HNRNPA1: variants seen among roughly 807,000 people sequenced by gnomAD.
HNRNPA1 encodes epididymis secretory sperm binding protein.
HNRNPA1 carries 7 observed loss-of-function variants against 44.4 expected under a neutral mutation model. The ratio of observed to expected loss-of-function variants is 0.16; its 90% CI spans 0.09 to 0.30. The LOEUF is 0.30. HNRNPA1 is among the 10% of genes least tolerant of loss of function. The probability of loss-of-function intolerance (pLI) is 1.00; values close to 1 mark genes in which losing one functional copy is unlikely to be tolerated. For synonymous variants in HNRNPA1, 169 were observed against 160.6 expected, an observed-to-expected ratio of 1.05 and a Z score of -0.40; for missense variants, 193 against 465.8, an observed-to-expected ratio of 0.41 and a Z score of 5.39.
chr12:54,284,047 T>C, intron 9 of HNRNPA1, 80 bp downstream of exon 9: 3 of 1,498,292 alleles, frequency 2.0e-6, no homozygotes, highest in African/African-American at 1.4e-5. Flanking sequence ...TTAACTGCTA[T>C]GTCTGGGCAG....
At chr12:54,281,255 G>A in intron 1 of HNRNPA1, 131 bp from the exon 2 acceptor site, 2 of 727,174 alleles carry the variant, frequency 2.8e-6, no homozygotes, top group Non-Finnish European at 2.5e-6. Context: ...ATAGGCAGAA[G>A]CACGTGTCTT....
At chr12:54,283,771 A>G in intron 8 of HNRNPA1, 41 bp from the exon 9 acceptor site, 1 of 1,591,084 alleles carries the variant, frequency 6.3e-7, no homozygotes, top group Non-Finnish European at 8.6e-7. Context: ...AACTAACATC[A>G]TCCTCAGGTA....
chr12:54,280,834 G>A lies in HNRNPA1; in HGVS notation c.15+12G>A. The A allele has an allele frequency of 1.2e-6, 2 of 1,614,090 alleles. No individual in the cohort carries two copies. Among genetic ancestry groups the A allele is most frequent in the Non-Finnish European group, 1.7e-6 (2 of 1,179,934 alleles). On this transcript the variant is annotated intron_variant, in intron 1 of 10. Coordinates refer to ENST00000340913, the MANE Select transcript of HNRNPA1 (RefSeq NM_031157.4). Reference sequence around the variant, plus strand: ...TGTCTAAGTCAGAGGTGAGTTAGGCGCGCTTTCCCACTTGAATTTTTTCCT... The same window carrying A: ...TGTCTAAGTCAGAGGTGAGTTAGGCACGCTTTCCCACTTGAATTTTTTCCT...
rs2137045204 is a variant in HNRNPA1 at position 54,283,957 on chromosome 12, A to G, written c.1053A>G (p.Pro351=). ...YGGGGQYFAK[P]RNQGGYGGSS... ...GTGGAGGCCAATACTTTGCAAAACC[A>G]CGAAACCAAGGTATGGTATCTATGT... The change falls in exon 9 of 11, where the codon CCA becomes CCG. Residue 351 remains proline (P), a synonymous_variant. Coordinates refer to ENST00000340913, the MANE Select transcript of HNRNPA1 (RefSeq NM_031157.4). The G allele has an allele frequency of 6.2e-7, 1 of 1,606,142 alleles. No individual in the cohort carries two copies. The highest frequency in any genetic ancestry group is 8.5e-7 in the Non-Finnish European group (1 of 1,179,982).
chr12:54,282,746 A>T, intron 6 of HNRNPA1, 54 bp from the exon 7 acceptor site: 1 of 1,587,828 alleles, frequency 6.3e-7, no homozygotes, highest in Non-Finnish European at 8.6e-7. Flanking sequence ...AACTGCATTC[A>T]GAATGTCACT....
intron 1 of HNRNPA1, chr12:54,281,158 T>C (rs1395960927): frequency 1.4e-6 from 1 of 697,910 alleles, no homozygotes; most frequent in East Asian, 2.7e-5. Context: ...CGCCCAAGCC[T>C]TTGTTGCGCG....
At chr12:54,284,017 A>G (rs911967328) in intron 9 of HNRNPA1, 50 bp downstream of exon 9, 1 of 1,590,308 alleles carries the variant, frequency 6.3e-7, no homozygotes, top group Non-Finnish European at 8.5e-7. Flanking sequence ...GTCTGTAGCT[A>G]CTGCTGGGAA....
intron 2 of HNRNPA1, 23 bp from the exon 3 acceptor site, chr12:54,281,772 A>G: frequency 6.2e-7 from 1 of 1,600,914 alleles, no homozygotes; most frequent in Non-Finnish European, 8.5e-7. Context: ...ACTTTGTGTT[A>G]CATAAATTAA....
chr12:54,286,751 G>C lies in HNRNPA1; in HGVS notation c.*2207G>C, dbSNP rs984717697. 1 of 152,134 alleles carries C rather than the reference G, an allele frequency of 6.6e-6. No homozygotes were observed. The highest frequency in any genetic ancestry group is 1.5e-5 in the Non-Finnish European group (1 of 68,020). 9.4% of individuals were successfully genotyped at this position (152,134 alleles called of 1,614,324 possible). A position where few individuals can be genotyped will look rare whatever the true frequency, so the allele number is the denominator to read the frequency against. The stretch of plus-strand genomic sequence containing the variant: ...CAGAAAGGTAAGTTTTTACAAATTA[G>C]TGCTCAGCAAAAGAATGCCCTGCGT... On this transcript the variant is annotated 3_prime_UTR_variant, in exon 11 of 11. Coordinates refer to ENST00000340913, the MANE Select transcript of HNRNPA1 (RefSeq NM_031157.4).
chr12:54,285,500 A>G lies in HNRNPA1; in HGVS notation c.*956A>G, dbSNP rs1237438056. 2 of 152,218 alleles carry G rather than the reference A, an allele frequency of 1.3e-5. No homozygotes were observed. The highest frequency in any genetic ancestry group is 1.5e-5 in the Non-Finnish European group (1 of 68,044). 9.4% of individuals were successfully genotyped at this position (152,218 alleles called of 1,614,324 possible). ...TAGGCTTACATTAAAGGAAAACTGC[A>G]GTTTGACTGGGTTCTGGTTGGGTGG... On this transcript the variant is annotated 3_prime_UTR_variant, in exon 11 of 11. Coordinates refer to ENST00000340913, the MANE Select transcript of HNRNPA1 (RefSeq NM_031157.4).
intron 8 of HNRNPA1, 109 bp downstream of exon 8, chr12:54,283,343 A>T (rs1401200909): frequency 7.9e-7 from 1 of 1,265,476 alleles, no homozygotes. Flanking sequence ...GGTATATTAA[A>T]AACAAATGGG....
chr12:54,284,384 T>C (rs1592174268), intron 10 of HNRNPA1, 67 bp downstream of exon 10: 1 of 1,338,766 alleles, frequency 7.5e-7, no homozygotes, highest in Non-Finnish European at 1.1e-6. Context: ...ATAACCCTAA[T>C]GTAGCTGAGC....
At chr12:54,281,758 T>C (rs1461592917) in intron 2 of HNRNPA1, 37 bp from the exon 3 acceptor site, 2 of 1,585,324 alleles carry the variant, frequency 1.3e-6, no homozygotes, top group Non-Finnish European at 1.7e-6. Context: ...GCTTTTGCGG[T>C]CAGACTTTGT....
chr12:54,281,709 A>G, intron 2 of HNRNPA1, 86 bp from the exon 3 acceptor site: 1 of 1,385,746 alleles, frequency 7.2e-7, no homozygotes, highest in Admixed American at 2.5e-5. Flanking sequence ...GGCTGGTGTA[A>G]AGTTTCCTAT....
At position 54,284,192 on chromosome 12, in the gene HNRNPA1, T is replaced by G. The variant is rs945079498; in HGVS notation, c.1064-66T>G. 3 of 1,534,132 alleles carry G rather than the reference T, an allele frequency of 2.0e-6. No individual in the cohort carries two copies. The African/African-American group carries it at 4.1e-5, about 21-fold the overall frequency. On this transcript the variant is annotated intron_variant, in intron 9 of 10. Coordinates refer to ENST00000340913, the MANE Select transcript of HNRNPA1 (RefSeq NM_031157.4). ...CCAGACACTTGAATTTAACTTTTAT[T>G]ATCCCAAATATGAAAACATTACTGT...
Position 54,282,387 on chromosome 12 carries a change from T to A in HNRNPA1, c.491-7T>A, listed in dbSNP as rs562426518. The stretch of plus-strand genomic sequence containing the variant: ...GATACCATGTTGTATCTATGTTTTT[T>A]TTTTAGTTCAGAAATACCATACTGT... On this transcript the variant is annotated splice_polypyrimidine_tract_variant and splice_region_variant and intron_variant, in intron 4 of 10. Coordinates refer to ENST00000340913, the MANE Select transcript of HNRNPA1 (RefSeq NM_031157.4). The A allele has an allele frequency of 8.7e-5, 141 of 1,613,748 alleles. 3 individuals carry two copies. The South Asian group carries it at 1.5e-3, about 17-fold the overall frequency.
rs1322269482 is a variant in HNRNPA1, at chr12:54,285,520, G to A, written c.*976G>A. 1 of 152,162 alleles carries A rather than the reference G, an allele frequency of 6.6e-6. No homozygotes were observed. Among genetic ancestry groups the A allele is most frequent in the East Asian group, 1.9e-4 (1 of 5,200 alleles). The allele number at this position is 152,162 out of a possible 1,614,324, so 9.4% of individuals were successfully genotyped here. On this transcript the variant is annotated 3_prime_UTR_variant, in exon 11 of 11. Coordinates refer to ENST00000340913, the MANE Select transcript of HNRNPA1 (RefSeq NM_031157.4). Reference sequence around the variant, plus strand: ...ACTGCAGTTTGACTGGGTTCTGGTTGGGTGGGCCTTCAGAGGTTCTATCAG... The same window carrying A: ...ACTGCAGTTTGACTGGGTTCTGGTTAGGTGGGCCTTCAGAGGTTCTATCAG...
At chr12:54,282,955 G>A in intron 7 of HNRNPA1, 81 bp downstream of exon 7, 1 of 1,481,742 alleles carries the variant, frequency 6.7e-7, no homozygotes, top group Non-Finnish European at 9.1e-7. Flanking sequence ...TAAAATTCTG[G>A]TGCATGTCAA....
rs780638795 is a variant in HNRNPA1, at chr12:54,280,794, T to C, written c.-14T>C. Reference sequence around the variant, plus strand: ...CGAAGAAGCATCGTTAAAGTCTCTCTTCACCCTGCCGTCATGTCTAAGTCA... The same window carrying C: ...CGAAGAAGCATCGTTAAAGTCTCTCCTCACCCTGCCGTCATGTCTAAGTCA... On this transcript the variant is annotated 5_prime_UTR_variant, in exon 1 of 11. Transcript: ENST00000340913. 1 of 1,614,178 alleles carries C rather than the reference T, an allele frequency of 6.2e-7. No individual in the cohort carries two copies. Among genetic ancestry groups the C allele is most frequent in the Non-Finnish European group, 8.5e-7 (1 of 1,180,016 alleles).
Sources: allele counts gnomAD v4.1 joint callset, GRCh38; gene constraint gnomAD v4.1.1; transcripts MANE v1.5; gene names NCBI Gene and HGNC (gene_info 2026-07-23, HGNC 2026-07-21).